Variants in SNAP29 observed in about 807,000 individuals in gnomAD.
The protein encoded by SNAP29 is synaptosomal-associated protein 29.
In SNAP29, 13 loss-of-function variants were observed where a neutral mutation model predicts 27.9. That is an observed-to-expected ratio of 0.47 (90% CI 0.30 to 0.74). The LOEUF (loss-of-function observed/expected upper bound fraction) is 0.74. Among genes scored for constraint, SNAP29 ranks in the 30% least tolerant of loss-of-function variants. The pLI, the probability that SNAP29 is intolerant of heterozygous loss-of-function variation, is 0.06. For synonymous variants in SNAP29, 119 were observed against 127.1 expected (o/e 0.94, Z 0.43); for missense variants, 368 against 336.5 (o/e 1.09, Z -0.73).
At chr22:20,863,170 AGCT>A (rs1354418912) in intron 1 of SNAP29, among the ~76,000 whole-genome samples, 1 of 152,162 alleles carries the variant, frequency 6.6e-6, no homozygotes, top group East Asian at 1.9e-4. Flanking sequence ...ACAGGCTCCA[AGCT>A]GTCTTTGAAT....
intron 1 of SNAP29, among the ~76,000 whole-genome samples, chr22:20,862,165 T>A (rs1281711617): frequency 6.6e-6 from 1 of 152,214 alleles, no homozygotes; most frequent in Non-Finnish European, 1.5e-5. Context: ...GGCTTAGATT[T>A]GAGAGGATTG....
intron 2 of SNAP29, among the ~76,000 whole-genome samples, chr22:20,871,651 G>T (rs927484024): frequency 6.6e-6 from 1 of 152,126 alleles, no homozygotes; most frequent in East Asian, 1.9e-4. Flanking sequence ...GGGAGGCCGA[G>T]GCGGGTGGAT....
intron 1 of SNAP29, 101 bp downstream of exon 1, chr22:20,859,448 C>A: frequency 1.1e-6 from 1 of 912,684 alleles, no homozygotes; most frequent in Non-Finnish European, 1.8e-6. Flanking sequence ...TCTCAAGTTG[C>A]CTAGCATAGA....
intron 1 of SNAP29, among the ~76,000 whole-genome samples, chr22:20,860,331 T>C (rs1037944851): frequency 6.6e-6 from 1 of 151,104 alleles, no homozygotes; most frequent in Non-Finnish European, 1.5e-5. Context: ...CACTCCAGCA[T>C]GGGCAACAGA....
rs1438760634 is a variant in SNAP29 at position 20,889,238 on chromosome 22, C to T, written c.*1402C>T. 6.6e-6 allele frequency: 1 copy of T among 152,216 alleles called. No homozygotes were observed. The highest frequency in any genetic ancestry group is 1.5e-5 in the Non-Finnish European group (1 of 68,032). The allele number at this position is 152,216 out of a possible 1,614,324, so 9.4% of individuals were successfully genotyped here. A position where few individuals can be genotyped will look rare whatever the true frequency, so the allele number is the denominator to read the frequency against. On this transcript the variant is annotated 3_prime_UTR_variant, in exon 5 of 5. Coordinates refer to ENST00000215730, the MANE Select transcript of SNAP29 (RefSeq NM_004782.4). ...CCCTTTACAGTCTGCAGCCTATAAACAGTGGTGTCTCAAAGCAAAGGAAAC... is the reference window on the plus strand; with the variant it reads ...CCCTTTACAGTCTGCAGCCTATAAATAGTGGTGTCTCAAAGCAAAGGAAAC...
At chr22:20,873,563 G>A (rs1928647691) in intron 2 of SNAP29, among the ~76,000 whole-genome samples, 1 of 152,148 alleles carries the variant, frequency 6.6e-6, no homozygotes, top group African/African-American at 2.4e-5. Context: ...TTATGGAGAG[G>A]TTCAGGCATG....
In SNAP29 at chr22:20,887,957, T is replaced by TA; in HGVS notation, c.*122dup. 1 of 1,006,414 alleles carries TA rather than the reference T, an allele frequency of 9.9e-7. No homozygotes were observed. The highest frequency in any genetic ancestry group is 1.5e-6 in the Non-Finnish European group (1 of 660,896). 62.3% of individuals were successfully genotyped at this position (1,006,414 alleles called of 1,614,324 possible). ...TAATGTGTGTTTGCAAATGTTATAATAGAGTAGGTCTTAAGACATTTTTGC... is the reference window on the plus strand; with the variant it reads ...TAATGTGTGTTTGCAAATGTTATAATAAGAGTAGGTCTTAAGACATTTTTGC... On this transcript the variant is annotated 3_prime_UTR_variant, in exon 5 of 5. Transcript: ENST00000215730.
At chr22:20,865,344 G>A (rs1928432452) in intron 1 of SNAP29, among the ~76,000 whole-genome samples, 1 of 151,646 alleles carries the variant, frequency 6.6e-6, no homozygotes, top group Non-Finnish European at 1.5e-5. Flanking sequence ...GACAAAGTGA[G>A]ACCCTGTCTC....
chr22:20,869,076 T>C (rs1825649213), intron 1 of SNAP29, among the ~76,000 whole-genome samples: 1 of 152,126 alleles, frequency 6.6e-6, no homozygotes, highest in African/African-American at 2.4e-5. Context: ...CGGGCCAACA[T>C]GGTGAAACCC....
chr22:20,885,750 G>A (rs1928999445), intron 4 of SNAP29, among the ~76,000 whole-genome samples: 1 of 152,228 alleles, frequency 6.6e-6, no homozygotes, highest in Non-Finnish European at 1.5e-5. Flanking sequence ...AGTAGGAGGT[G>A]GGCCTGGGCA....
In SNAP29 at chr22:20,888,129, A is replaced by C; in HGVS notation, c.*293A>C. 1 of 409,390 alleles carries C rather than the reference A, an allele frequency of 2.4e-6. No individual in the cohort carries two copies. The allele number at this position is 409,390 out of a possible 1,614,324, so 25.4% of individuals were successfully genotyped here. On this transcript the variant is annotated 3_prime_UTR_variant, in exon 5 of 5. Coordinates refer to ENST00000215730, the MANE Select transcript of SNAP29 (RefSeq NM_004782.4). ...GTTTGATTACCATGCTGGAATAAGAAGAGTTGCATTTCTCATTTTAATGAG... is the reference window on the plus strand; with the variant it reads ...GTTTGATTACCATGCTGGAATAAGACGAGTTGCATTTCTCATTTTAATGAG...
rs912591265 is a variant in SNAP29, at chr22:20,882,441, T to C, written c.521-1030T>C. The stretch of plus-strand genomic sequence containing the variant: ...CCCACAATAGCCAGGTACATTGAAA[T>C]TGGTGCTAGAAACCAAAGGCTTACT... On this transcript the variant is annotated intron_variant, in intron 3 of 4. Transcript: ENST00000215730. 7.2e-5 allele frequency among the ~76,000 whole-genome samples: 11 copies of C among 152,150 alleles called. No individual in the cohort carries two copies. The East Asian group carries it at 1.9e-3, about 27-fold the overall frequency.
intron 1 of SNAP29, among the ~76,000 whole-genome samples, chr22:20,860,777 C>T (rs139776137): frequency 4.7e-4 from 72 of 152,290 alleles, no homozygotes; most frequent in Non-Finnish European, 9.0e-4. Flanking sequence ...AAGCCAGGCG[C>T]GGTTGTACTT....
chr22:20,869,847 T>A (rs1426222900), intron 1 of SNAP29, among the ~76,000 whole-genome samples: 1 of 151,974 alleles, frequency 6.6e-6, no homozygotes, highest in Non-Finnish European at 1.5e-5. Context: ...CTTGGCTCAC[T>A]GCAACCTCTG....
Position 20,890,460 on chromosome 22 carries a change from T to C in SNAP29, c.*2624T>C, listed in dbSNP as rs1378827724. 5.0e-6 allele frequency: 2 copies of C among 397,596 alleles called. No homozygotes were observed. Among genetic ancestry groups the C allele is most frequent in the African/African-American group, 2.1e-5 (1 of 48,616 alleles). The allele number at this position is 397,596 out of a possible 1,614,324, so 24.6% of individuals were successfully genotyped here. A position where few individuals can be genotyped will look rare whatever the true frequency, so the allele number is the denominator to read the frequency against. ...GTTGGTTATATGTTAAGTGTGCTAC[T>C]AACTTAAAAAATAGTGGCTGGGCGC... On this transcript the variant is annotated 3_prime_UTR_variant, in exon 5 of 5. Coordinates refer to ENST00000215730, the MANE Select transcript of SNAP29 (RefSeq NM_004782.4).
rs1928561179 is a variant in SNAP29 at position 20,870,389 on chromosome 22, A to G, written c.290A>G (p.Lys97Arg). The stretch of plus-strand genomic sequence containing the variant: ...GAGCGCACAGAGAAGATGGTGGACA[A>G]GATGGACCAAGATTTGAAGATCAGC... ...VLERTEKMVD[K>R]MDQDLKISQK... Residue 97 changes from lysine to arginine, a missense_variant, in exon 2 of 5, where the codon AAG (lysine) becomes AGG (arginine). Transcript: ENST00000215730. The G allele has an allele frequency of 1.9e-6, 3 of 1,614,186 alleles. No homozygotes were observed. Among genetic ancestry groups the G allele is most frequent in the East Asian group, 4.5e-5 (2 of 44,882 alleles).
rs1928134196 is a variant in SNAP29, at chr22:20,859,225, G to C, written c.115G>C (p.Ala39Pro). The C allele has an allele frequency of 6.2e-7, 1 of 1,605,250 alleles. No homozygotes were observed. Among genetic ancestry groups the C allele is most frequent in the African/African-American group, 1.3e-5 (1 of 75,002 alleles). ...CCTCCCCGACGGGCCCGACGCGCCC[G>C]CGGACAGGCAGCAGTACTTGCGGCA... Reference protein sequence around the residue: ...RDLPDGPDAPADRQQYLRQEV... With the variant: ...RDLPDGPDAPPDRQQYLRQEV... The change falls in exon 1 of 5, where the codon GCG becomes CCG. Residue 39 changes from alanine to proline, a missense_variant. Physicochemically the swap from Ala to Pro is conservative, Grantham distance 27 (BLOSUM62 -1). Coordinates refer to ENST00000215730, the MANE Select transcript of SNAP29 (RefSeq NM_004782.4).
intron 4 of SNAP29, 112 bp downstream of exon 4, chr22:20,883,681 A>G: frequency 1.3e-6 from 1 of 749,664 alleles, no homozygotes. Context: ...ACCACACATC[A>G]CATCCCACGC....
intron 1 of SNAP29, among the ~76,000 whole-genome samples, chr22:20,868,253 A>G (rs984538144): frequency 4.6e-5 from 7 of 152,162 alleles, no homozygotes; most frequent in African/African-American, 1.7e-4. Context: ...ACTGAGTGAC[A>G]CTATCCAGAA....
Sources: gnomAD v4.1 joint callset for allele counts (sites outside exome capture counted in the v4.1 genomes callset) on GRCh38, gnomAD v4.1.1 for gene constraint, MANE v1.5 for transcripts, NCBI Gene and HGNC (gene_info 2026-07-23, HGNC 2026-07-21) for gene names.